The following ACAD11 variants were observed in gnomAD, a reference collection of about 807,000 sequenced individuals.
The protein encoded by ACAD11 is acyl-CoA dehydrogenase family member 11.
In ACAD11, 83 loss-of-function variants were observed where a neutral mutation model predicts 102.2. The observed-to-expected ratio is 0.81, with a 90% CI of 0.68 to 0.97. The LOEUF is 0.97. Among genes scored for constraint, ACAD11 ranks in the 50% least tolerant of loss-of-function variants. The pLI, the probability that ACAD11 is intolerant of heterozygous loss-of-function variation, is 0.00. For missense variants in ACAD11, 901 were observed against 951.7 expected (o/e 0.95, Z 0.70); for synonymous variants, 324 against 319.8 (o/e 1.01, Z -0.14).
intron 6 of ACAD11, 37 bp from the exon 7 acceptor site, chr3:132,630,595 A>C: frequency 6.4e-7 from 1 of 1,566,532 alleles, no homozygotes; most frequent in Non-Finnish European, 8.7e-7. Flanking sequence ...TTTAATTAAA[A>C]TGTCGTGGTG....
chr3:132,652,845 G>C (rs896612443), intron 1 of ACAD11, among the ~76,000 whole-genome samples: 6 of 151,966 alleles, frequency 3.9e-5, no homozygotes, highest in Non-Finnish European at 5.9e-5. Flanking sequence ...GGTAATGGGG[G>C]AACTCTGCCG....
chr3:132,578,318 T>A (rs1350920573), intron 15 of ACAD11, among the ~76,000 whole-genome samples: 1 of 152,138 alleles, frequency 6.6e-6, no homozygotes, highest in East Asian at 1.9e-4. Flanking sequence ...AACAAATGGA[T>A]CTTTGCTTCT....
intron 14 of ACAD11, 136 bp downstream of exon 14, chr3:132,579,356 C>T (rs1937566422): frequency 2.7e-6 from 2 of 737,092 alleles, no homozygotes; most frequent in Non-Finnish European, 4.3e-6. Context: ...TTGTGAAATA[C>T]AAATATATGA....
At chr3:132,579,592 A>G in intron 13 of ACAD11, 34 bp from the exon 14 acceptor site, 1 of 1,586,282 alleles carries the variant, frequency 6.3e-7, no homozygotes, top group Non-Finnish European at 8.6e-7. Context: ...AGATTATAAA[A>G]GGAAATTTCT....
chr3:132,606,073 T>C (rs1485778859), intron 11 of ACAD11, among the ~76,000 whole-genome samples: 1 of 152,234 alleles, frequency 6.6e-6, no homozygotes, highest in East Asian at 1.9e-4. Flanking sequence ...TTTCCATTCC[T>C]GTCAAATTTC....
chr3:132,653,712 A>G (rs1240137924), intron 1 of ACAD11, among the ~76,000 whole-genome samples: 1 of 152,042 alleles, frequency 6.6e-6, no homozygotes, highest in Non-Finnish European at 1.5e-5. Context: ...TTCCATTAAT[A>G]CTACTTTTTC....
intron 5 of ACAD11, among the ~76,000 whole-genome samples, chr3:132,634,661 A>G (rs1940199526): frequency 6.6e-6 from 1 of 152,084 alleles, no homozygotes; most frequent in African/African-American, 2.4e-5. Flanking sequence ...CAACCCAAAT[A>G]TCCAATAATG....
chr3:132,609,973 C>T (rs1212406662), intron 11 of ACAD11, among the ~76,000 whole-genome samples: 1 of 152,190 alleles, frequency 6.6e-6, no homozygotes, highest in East Asian at 1.9e-4. Context: ...GCTGGTTCAA[C>T]ATATGCAAAC....
At chr3:132,647,526 T>C (rs1940760478) in intron 1 of ACAD11, 1 of 152,200 alleles carries the variant, frequency 6.6e-6, no homozygotes, top group African/African-American at 2.4e-5. Flanking sequence ...AAGCCATCCA[T>C]AGCATTGGTT....
chr3:132,637,791 G>C (rs1385450486), intron 5 of ACAD11, among the ~76,000 whole-genome samples: 3 of 152,166 alleles, frequency 2.0e-5, no homozygotes, highest in Non-Finnish European at 4.4e-5. Flanking sequence ...GCCATATCCT[G>C]TAGTTTCCTT....
In ACAD11 at chr3:132,623,534, AAAG is replaced by A. The variant is rs202131528; in HGVS notation, c.1197+3154_1197+3156del. On this transcript the variant is annotated intron_variant, in intron 9 of 19. Transcript: ENST00000264990. ...ACGATTTTTTTTTTCAATTTTTTTA[AAAG>A]AAGAAAAAGCTCACATTATCAGATA... 9.5e-3 allele frequency among the ~76,000 whole-genome samples: 1,446 copies of A among 152,106 alleles called. 25 individuals are homozygous for A. Among genetic ancestry groups the A allele is most frequent in the African/African-American group, 0.033 (1,359 of 41,496 alleles).
At chr3:132,560,433 TCTCA>T (rs1251649779) in intron 18 of ACAD11, among the ~76,000 whole-genome samples, 2 of 152,114 alleles carry the variant, frequency 1.3e-5, no homozygotes, top group Non-Finnish European at 2.9e-5. Context: ...TGAGACAGGC[TCTCA>T]CTCTGTCACC....
intron 13 of ACAD11, among the ~76,000 whole-genome samples, chr3:132,591,699 G>A (rs1304803057): frequency 2.6e-5 from 4 of 152,044 alleles, no homozygotes; most frequent in South Asian, 2.1e-4. Context: ...AAACCAGCCC[G>A]GGCAACCTAG....
At chr3:132,643,815 A>T (rs1238111288) in intron 2 of ACAD11, among the ~76,000 whole-genome samples, 4 of 152,122 alleles carry the variant, frequency 2.6e-5, no homozygotes, top group Non-Finnish European at 5.9e-5. Flanking sequence ...TTCAATGCAG[A>T]GTTGAGAAAA....
chr3:132,619,546 C>G lies in ACAD11; in HGVS notation c.1198-1G>C, dbSNP rs2107848175. 6.4e-7 allele frequency: 1 copy of G among 1,563,822 alleles called. No homozygotes were observed. The stretch of plus-strand genomic sequence containing the variant: ...TTTGAACATAGAACTCAGTTACCTC[C>G]TTAAAGTAATAAAAGAAAAAAATTT... On this transcript the variant is annotated splice_acceptor_variant, in intron 9 of 19. Coordinates refer to ENST00000264990, the MANE Select transcript of ACAD11 (RefSeq NM_032169.5). LOFTEE classifies it high-confidence loss of function.
At chr3:132,559,738 G>T (rs1393825182) in intron 19 of ACAD11, 95 bp downstream of exon 19, 2 of 976,842 alleles carry the variant, frequency 2.0e-6, no homozygotes, top group Non-Finnish European at 3.1e-6. Context: ...CAATTACACT[G>T]AAAATAAACA....
At chr3:132,600,485 A>C (rs1323191212) in intron 13 of ACAD11, 1 of 1,613,848 alleles carries the variant, frequency 6.2e-7, no homozygotes, top group Admixed American at 1.7e-5. Context: ...ATATGAACTG[A>C]TCTGTATCAA....
At chr3:132,651,079 T>C (rs1318832051) in intron 1 of ACAD11, among the ~76,000 whole-genome samples, 1 of 152,208 alleles carries the variant, frequency 6.6e-6, no homozygotes, top group Non-Finnish European at 1.5e-5. Flanking sequence ...CTGTTTCCTT[T>C]GTAGGCTTCT....
At chr3:132,559,355 A>C (rs966242625) in intron 19 of ACAD11, among the ~76,000 whole-genome samples, 3 of 152,164 alleles carry the variant, frequency 2.0e-5, no homozygotes, top group African/African-American at 7.2e-5. Flanking sequence ...GCTAGAACTT[A>C]GAACAGGCAG....
Sources: allele counts gnomAD v4.1 joint callset (sites outside exome capture counted in the v4.1 genomes callset), GRCh38; gene constraint gnomAD v4.1.1; transcripts MANE v1.5; gene names NCBI Gene and HGNC (gene_info 2026-07-23, HGNC 2026-07-21).